Variants in CREBBP observed in about 807,000 individuals in gnomAD.
CREBBP encodes CREB binding lysine acetyltransferase.
In CREBBP, 19 loss-of-function variants were observed where a neutral mutation model predicts 265.0. That is an observed-to-expected ratio of 0.07 (90% CI 0.05 to 0.11). CREBBP has a LOEUF of 0.11. CREBBP is among the 10% of genes least tolerant of loss of function. The probability of loss-of-function intolerance (pLI) is 1.00; values close to 1 mark genes in which losing one functional copy is unlikely to be tolerated. For missense variants in CREBBP, 2,525 were observed against 3,219.0 expected (o/e 0.78, Z 5.22); for synonymous variants, 1,457 against 1,223.7 (o/e 1.19, Z -3.98).
At chr16:3,840,046 A>C (rs2054536962) in intron 2 of CREBBP, among the ~76,000 whole-genome samples, 1 of 152,140 alleles carries the variant, frequency 6.6e-6, no homozygotes, top group Non-Finnish European at 1.5e-5. Flanking sequence ...TGCCCACAGG[A>C]ATTATATACA....
At chr16:3,759,422 C>T (rs562205304) in intron 16 of CREBBP, among the ~76,000 whole-genome samples, 1 of 151,938 alleles carries the variant, frequency 6.6e-6, no homozygotes, top group African/African-American at 2.4e-5. Context: ...AACCTCGTCT[C>T]TACTAAACAC....
At chr16:3,873,495 C>T (rs1212444922) in intron 1 of CREBBP, among the ~76,000 whole-genome samples, 1 of 152,160 alleles carries the variant, frequency 6.6e-6, no homozygotes, top group East Asian at 1.9e-4. Context: ...TCCAGAACTG[C>T]TGAGAAACAG....
intron 2 of CREBBP, among the ~76,000 whole-genome samples, chr16:3,824,054 C>T (rs2054192465): frequency 6.6e-6 from 1 of 152,188 alleles, no homozygotes; most frequent in South Asian, 2.1e-4. Flanking sequence ...GCAGTGGTGA[C>T]ACACACAGGG....
intron 3 of CREBBP, among the ~76,000 whole-genome samples, chr16:3,795,302 GAAC>G (rs1273503469): frequency 6.6e-6 from 1 of 152,202 alleles, no homozygotes; most frequent in African/African-American, 2.4e-5. Flanking sequence ...GAAAGCTAGA[GAAC>G]TACTACAGAA....
intron 2 of CREBBP, among the ~76,000 whole-genome samples, chr16:3,842,543 TATC>T (rs1207240461): frequency 2.0e-5 from 3 of 152,212 alleles, no homozygotes; most frequent in African/African-American, 7.2e-5. Flanking sequence ...AAAAAACTCT[TATC>T]ATGCCTTCTA....
At chr16:3,762,293 T>C (rs895489837) in intron 16 of CREBBP, among the ~76,000 whole-genome samples, 2 of 152,086 alleles carry the variant, frequency 1.3e-5, no homozygotes, top group Admixed American at 6.5e-5. Context: ...AAGTGTCACT[T>C]TGGTTGATCA....
chr16:3,782,581 TA>T (rs2141251271), intron 6 of CREBBP, 102 bp downstream of exon 6: 1 of 1,474,996 alleles, frequency 6.8e-7, no homozygotes. Context: ...ACCACCGTAG[TA>T]AAAAACACAA....
At chr16:3,804,081 T>TA (rs552386793) in intron 3 of CREBBP, among the ~76,000 whole-genome samples, 172 of 142,150 alleles carry the variant, frequency 1.2e-3, no homozygotes, top group Admixed American at 1.5e-3. Context: ...GACCCCAGCT[T>TA]AAAAAAAAAA....
In CREBBP at chr16:3,773,552, C is replaced by A. The variant is rs996905738; in HGVS notation, c.2463+199G>T. ...ATTCCCACTTTTGCATATAGTTAACCCAGAAAGGATAAGAGAAATTCCAAA... is the reference window on the plus strand; with the variant it reads ...ATTCCCACTTTTGCATATAGTTAACACAGAAAGGATAAGAGAAATTCCAAA... On this transcript the variant is annotated intron_variant, in intron 13 of 30. Coordinates refer to ENST00000262367, the MANE Select transcript of CREBBP (RefSeq NM_004380.3). The A allele has an allele frequency of 8.0e-6, 5 of 623,072 alleles. No individual in the cohort carries two copies. In the Admixed American group the frequency reaches 1.2e-4, roughly 15 times the overall value. The allele number at this position is 623,072 out of a possible 1,614,324, so 38.6% of individuals were successfully genotyped here. A position where few individuals can be genotyped will look rare whatever the true frequency, so the allele number is the denominator to read the frequency against.
At chr16:3,748,445 T>A (rs950456715) in intron 21 of CREBBP, among the ~76,000 whole-genome samples, 1 of 152,180 alleles carries the variant, frequency 6.6e-6, no homozygotes, top group Admixed American at 6.5e-5. Context: ...AGACTACAGC[T>A]CTAGGATTTC....
At chr16:3,771,145 T>G (rs966838194) in intron 13 of CREBBP, among the ~76,000 whole-genome samples, 159 bp from the exon 14 acceptor site, 1 of 152,162 alleles carries the variant, frequency 6.6e-6, no homozygotes, top group Non-Finnish European at 1.5e-5. Flanking sequence ...CTCGGCTCAC[T>G]GCAGCCTCCG....
rs114232541 is a variant in CREBBP at position 3,813,347 on chromosome 16, G to A, written c.799-2568C>T. On this transcript the variant is annotated intron_variant, in intron 2 of 30. Transcript: ENST00000262367. ...ACCAGACTCAATTTCGAGTTCAAAT[G>A]ACTTAATCTAGGCAAGATGGTAGCT... 6.5e-4 allele frequency among the ~76,000 whole-genome samples: 99 copies of A among 152,260 alleles called. 1 individual carries two copies. Among genetic ancestry groups the A allele is most frequent in the African/African-American group, 2.3e-3 (97 of 41,530 alleles).
In CREBBP at chr16:3,749,634, G is replaced by T. The variant is rs778840635; in HGVS notation, c.3829C>A (p.Pro1277Thr). The T allele has an allele frequency of 6.2e-7, 1 of 1,604,094 alleles. No individual in the cohort carries two copies. The highest frequency in any genetic ancestry group is 8.5e-7 in the Non-Finnish European group (1 of 1,171,706). ...FEKKKNDTLD[P>T]EPFVDCKECG... The stretch of plus-strand genomic sequence containing the variant: ...AAATAGCTATATACTTACGGTTCGG[G>T]GTCTAAGGTATCATTTTTCTTCTTT... Residue 1277 changes from proline to threonine, a missense_variant, in exon 21 of 31, where the codon CCC becomes ACC. Transcript: ENST00000262367.
At chr16:3,849,381 GT>G (rs1290091084) in intron 2 of CREBBP, among the ~76,000 whole-genome samples, 27 of 908 alleles carry the variant, frequency 0.03, no homozygotes, top group African/African-American at 0.034. Context: ...TCTTGGCCGT[GT>G]GTGTGTGTGT....
intron 18 of CREBBP, 38 bp downstream of exon 18, chr16:3,757,771 C>T: frequency 1.2e-6 from 2 of 1,611,732 alleles, no homozygotes; most frequent in African/African-American, 2.7e-5. Context: ...CTGGATTAAC[C>T]AGGAAAATTC....
At chr16:3,823,956 CAA>C (rs1491177164) in intron 2 of CREBBP, among the ~76,000 whole-genome samples, 1 of 70,860 alleles carries the variant, frequency 1.4e-5, no homozygotes, top group Non-Finnish European at 2.9e-5. Flanking sequence ...AAGGCTGTGG[CAA>C]CACACACACA....
In CREBBP at chr16:3,834,456, A is replaced by G. The variant is rs563272579; in HGVS notation, c.798+15841T>C. Among the ~76,000 whole-genome samples, 11 of 152,300 alleles carry G rather than the reference A, an allele frequency of 7.2e-5. No individual in the cohort carries two copies. In the South Asian group the frequency reaches 2.3e-3, roughly 32 times the overall value. ...TGAGGCCAATGAGAAAAGGCTACACACTGTGTGACTGTAACTTTACAAAAA... is the reference window on the plus strand; with the variant it reads ...TGAGGCCAATGAGAAAAGGCTACACGCTGTGTGACTGTAACTTTACAAAAA... On this transcript the variant is annotated intron_variant, in intron 2 of 30. Transcript: ENST00000262367.
intron 3 of CREBBP, among the ~76,000 whole-genome samples, chr16:3,803,165 T>A (rs895866602): frequency 6.0e-5 from 9 of 151,174 alleles, no homozygotes; most frequent in African/African-American, 1.7e-4. Flanking sequence ...TTGATTTTTT[T>A]TAAAAAAATA....
intron 26 of CREBBP, among the ~76,000 whole-genome samples, chr16:3,737,392 T>C (rs900539985): frequency 1.3e-5 from 2 of 151,794 alleles, no homozygotes; most frequent in Non-Finnish European, 2.9e-5. Context: ...AGTAGATTAG[T>C]GGTCGCCTGG....
Sources: allele counts gnomAD v4.1 joint callset (sites outside exome capture counted in the v4.1 genomes callset), GRCh38; gene constraint gnomAD v4.1.1; transcripts MANE v1.5; gene names NCBI Gene and HGNC (gene_info 2026-07-23, HGNC 2026-07-21).